The following ADARB2 variants were observed in gnomAD, a reference collection of about 807,000 sequenced individuals.
ADARB2 encodes adenosine deaminase RNA specific B2 (inactive), also known as inactive double-stranded RNA-specific editase B2.
ADARB2 carries 25 observed loss-of-function variants against 62.2 expected under a neutral mutation model. The observed-to-expected ratio is 0.40, with a 90% confidence interval of 0.29 to 0.56. The LOEUF is 0.56. Among genes scored for constraint, ADARB2 ranks in the 20% least tolerant of loss-of-function variants. The pLI is 0.43. For missense variants in ADARB2, 1,071 were observed against 1,077.4 expected, an observed-to-expected ratio of 0.99 and a Z score of 0.08; for synonymous variants, 572 against 500.8, an observed-to-expected ratio of 1.14 and a Z score of -1.90.
At chr10:1,609,043 C>T (rs899139478) in intron 1 of ADARB2, among the ~76,000 whole-genome samples, 14 of 152,132 alleles carry the variant, frequency 9.2e-5, no homozygotes, top group African/African-American at 2.9e-4. Flanking sequence ...GGACCCGAAA[C>T]GCCCACCAAA....
intron 1 of ADARB2, among the ~76,000 whole-genome samples, chr10:1,618,432 A>G (rs1833668506): frequency 6.6e-6 from 1 of 152,246 alleles, no homozygotes; most frequent in Admixed American, 6.5e-5. Context: ...AAATTCACAT[A>G]CCTATAGAAA....
intron 1 of ADARB2, among the ~76,000 whole-genome samples, chr10:1,656,603 C>CA (rs1834175390): frequency 1.3e-5 from 2 of 152,224 alleles, no homozygotes; most frequent in African/African-American, 4.8e-5. Context: ...GTGAATGACG[C>CA]ACACTTGTTG....
intron 3 of ADARB2, among the ~76,000 whole-genome samples, chr10:1,325,655 T>G (rs1226017099): frequency 6.6e-6 from 1 of 152,126 alleles, no homozygotes; most frequent in Non-Finnish European, 1.5e-5. Context: ...GCCTTCCTCC[T>G]CCATGGAGAC....
At chr10:1,402,068 C>T (rs1484509891) in intron 1 of ADARB2, among the ~76,000 whole-genome samples, 1 of 152,188 alleles carries the variant, frequency 6.6e-6, no homozygotes, top group Admixed American at 6.5e-5. Flanking sequence ...TTCTGTTCCA[C>T]GAGACAGACT....
chr10:1,490,769 T>A (rs1178938796), intron 1 of ADARB2, among the ~76,000 whole-genome samples: 1 of 152,194 alleles, frequency 6.6e-6, no homozygotes, highest in Non-Finnish European at 1.5e-5. Flanking sequence ...ATTGTTTTTT[T>A]AAATAAGCCG....
At chr10:1,408,591 C>A (rs922147433) in intron 1 of ADARB2, among the ~76,000 whole-genome samples, 1 of 152,196 alleles carries the variant, frequency 6.6e-6, no homozygotes, top group African/African-American at 2.4e-5. Flanking sequence ...TCTCACTCAA[C>A]CCTTGCCAGC....
intron 3 of ADARB2, among the ~76,000 whole-genome samples, chr10:1,332,708 G>A (rs1831941145): frequency 6.6e-6 from 1 of 152,116 alleles, no homozygotes; most frequent in South Asian, 2.1e-4. Context: ...TTGTAATTCT[G>A]ATCTGTGATG....
chr10:1,279,707 T>G (rs1341840954), intron 3 of ADARB2, among the ~76,000 whole-genome samples: 6 of 152,218 alleles, frequency 3.9e-5, no homozygotes, highest in Admixed American at 3.9e-4. Flanking sequence ...CCTTAGGGTT[T>G]TGGACTTGCT....
intron 1 of ADARB2, among the ~76,000 whole-genome samples, chr10:1,696,789 GTGGATGCAGGTGACCCTTGGCACTT>G (rs1834751728): frequency 1.3e-5 from 2 of 152,302 alleles, no homozygotes; most frequent in African/African-American, 4.8e-5. Context: ...CTGTGACAAG[GTGGATGCAGGTGACCCTTGGCACTT>G]CTGACCCTGT....
intron 6 of ADARB2, among the ~76,000 whole-genome samples, chr10:1,220,204 ATGG>A (rs373503394): frequency 1.3e-4 from 17 of 127,878 alleles, no homozygotes; most frequent in South Asian, 5.4e-4. Context: ...GATGATGGTA[ATGG>A]TGGTGATGAT....
At chr10:1,189,211 C>T (rs1448093000) in intron 8 of ADARB2, among the ~76,000 whole-genome samples, 1 of 152,188 alleles carries the variant, frequency 6.6e-6, no homozygotes, top group Middle Eastern at 3.4e-3. Flanking sequence ...CTTGGTTTCT[C>T]AGGAGCCTTC....
intron 1 of ADARB2, among the ~76,000 whole-genome samples, chr10:1,669,198 C>T (rs1834349505): frequency 1.3e-5 from 2 of 152,178 alleles, no homozygotes; most frequent in Admixed American, 1.3e-4. Flanking sequence ...CAGGGCTTCA[C>T]CAGGATCCCT....
At chr10:1,608,234 T>A (rs10903511) in intron 1 of ADARB2, among the ~76,000 whole-genome samples, 66,267 of 152,044 alleles carry the variant, frequency 0.44, 15,035 homozygotes, top group African/African-American at 0.57. Context: ...TATTTTGAGA[T>A]GACCTTTTGC....
At chr10:1,727,070 T>C (rs1243965449) in intron 1 of ADARB2, among the ~76,000 whole-genome samples, 1 of 152,220 alleles carries the variant, frequency 6.6e-6, no homozygotes, top group Non-Finnish European at 1.5e-5. Flanking sequence ...ATGGACAGAC[T>C]CCAATTTACA....
chr10:1,652,043 G>A (rs1314119411), intron 1 of ADARB2, among the ~76,000 whole-genome samples: 3 of 152,212 alleles, frequency 2.0e-5, no homozygotes, highest in African/African-American at 4.8e-5. Flanking sequence ...ACGGGGCTGC[G>A]CCTTTCTCTT....
chr10:1,705,463 G>A (rs932433737), intron 1 of ADARB2, among the ~76,000 whole-genome samples: 2 of 152,212 alleles, frequency 1.3e-5, no homozygotes, highest in East Asian at 1.9e-4. Context: ...AGGAGGAGAG[G>A]CGGCAGATGG....
At chr10:1,489,064 G>A (rs1030002243) in intron 1 of ADARB2, among the ~76,000 whole-genome samples, 2 of 152,244 alleles carry the variant, frequency 1.3e-5, no homozygotes, top group African/African-American at 4.8e-5. Context: ...TCGGATCAGT[G>A]AGGCTTGCTT....
chr10:1,247,352 A>T (rs1452423745), intron 4 of ADARB2, among the ~76,000 whole-genome samples: 3 of 152,178 alleles, frequency 2.0e-5, no homozygotes, highest in Non-Finnish European at 4.4e-5. Context: ...CCTGGCCAAA[A>T]CTTCCAACAC....
At chr10:1,661,756 T>C (rs998471178) in intron 1 of ADARB2, among the ~76,000 whole-genome samples, 1 of 152,116 alleles carries the variant, frequency 6.6e-6, no homozygotes, top group Non-Finnish European at 1.5e-5. Flanking sequence ...TCACAATCAC[T>C]CCCATTGCAC....
Sources: gnomAD v4.1 joint callset for allele counts (sites outside exome capture counted in the v4.1 genomes callset) on GRCh38, gnomAD v4.1.1 for gene constraint, MANE v1.5 for transcripts, NCBI Gene and HGNC (gene_info 2026-07-23, HGNC 2026-07-21) for gene names.